Variants in CUL4A observed in about 807,000 individuals in gnomAD.
The protein encoded by CUL4A is cullin-4A.
CUL4A carries 16 observed loss-of-function variants against 95.5 expected under a neutral mutation model. That is an observed-to-expected ratio of 0.17 (90% CI 0.11 to 0.25). CUL4A has a LOEUF of 0.25. Ranked by LOEUF, CUL4A falls within the 10% of genes least tolerant of loss-of-function variation. CUL4A has a pLI of 1.00. For missense variants in CUL4A, 610 were observed against 937.0 expected (o/e 0.65, Z 4.56); for synonymous variants, 380 against 353.1 (o/e 1.08, Z -0.85).
chr13:113,212,264 T>G (rs2040477808), intron 2 of CUL4A, among the ~76,000 whole-genome samples: 2 of 152,220 alleles, frequency 1.3e-5, no homozygotes, highest in Non-Finnish European at 1.5e-5. Flanking sequence ...TGTCTTTTGA[T>G]TCTCTTAACT....
In CUL4A at chr13:113,267,038, A is replaced by G. The variant is rs184823685; in HGVS notation, c.*3456A>G. On this transcript the variant is annotated 3_prime_UTR_variant, in exon 20 of 20. Transcript: ENST00000375440. ...GCAATTTTGAAATGTACAATACTCA[A>G]TTTTTGACTGTATTCACCATGCTGT... is the stretch of plus-strand genomic sequence containing the variant. 1.3e-5 allele frequency: 2 copies of G among 152,284 alleles called. No homozygotes were observed. Among genetic ancestry groups the G allele is most frequent in the East Asian group, 3.9e-4 (2 of 5,182 alleles). The allele number at this position is 152,284 out of a possible 1,614,324, so 9.4% of individuals were successfully genotyped here.
intron 3 of CUL4A, among the ~76,000 whole-genome samples, chr13:113,226,797 G>T (rs1265553647): frequency 1.3e-5 from 2 of 152,166 alleles, no homozygotes; most frequent in Non-Finnish European, 2.9e-5. Context: ...GACTGAGGAG[G>T]ATTACTTAAG....
intron 3 of CUL4A, among the ~76,000 whole-genome samples, chr13:113,221,563 TG>T (rs58433708): frequency 0.011 from 1,697 of 152,158 alleles, 30 homozygotes; most frequent in African/African-American, 0.039. Context: ...TTTTTTGTTT[TG>T]TTTTTTTGTG....
upstream of CUL4A, chr13:113,208,500 G>A: frequency 6.5e-7 from 1 of 1,547,950 alleles, no homozygotes. Flanking sequence ...GGGTGGCGAG[G>A]CGGGAAAGGA....
intron 10 of CUL4A, among the ~76,000 whole-genome samples, chr13:113,239,892 A>G (rs747896024): frequency 3.3e-5 from 5 of 152,258 alleles, no homozygotes; most frequent in Non-Finnish European, 7.3e-5. Flanking sequence ...TCTGCTTGTC[A>G]GACATGATCT....
upstream of CUL4A, among the ~76,000 whole-genome samples, chr13:113,209,178 G>T (rs1291572739): frequency 6.6e-6 from 1 of 150,594 alleles, no homozygotes; most frequent in East Asian, 2.0e-4. Context: ...CGCCCGGGGT[G>T]GGGGTGCCGA....
At chr13:113,214,861 T>C (rs1478778244) in intron 2 of CUL4A, among the ~76,000 whole-genome samples, 2 of 151,996 alleles carry the variant, frequency 1.3e-5, no homozygotes, top group African/African-American at 4.8e-5. Flanking sequence ...TGTGTGGCTG[T>C]GAAGGTCGCT....
intron 2 of CUL4A, among the ~76,000 whole-genome samples, chr13:113,213,968 C>T (rs972602796): frequency 2.6e-5 from 4 of 152,238 alleles, no homozygotes; most frequent in African/African-American, 9.6e-5. Context: ...CTAAGAAAAG[C>T]AAATGTGAAA....
Position 113,245,057 on chromosome 13 carries a change from A to G in CUL4A, c.1442A>G (p.His481Arg), listed in dbSNP as rs758127361. Residue 481 changes from histidine (H) to arginine (R), a missense_variant and splice_region_variant, in exon 13 of 20, where the codon CAT (histidine) becomes CGT (arginine). Physicochemically the swap from His to Arg is conservative, Grantham distance 29 (BLOSUM62 0). This residue lies in a region of CUL4A where 12 missense variants were observed against 70.1 expected (regional missense o/e 0.17). Transcript: ENST00000375440. ...AEKSMLSKLKHECGAAFTSKL... is the reference protein window; with the variant it reads ...AEKSMLSKLKRECGAAFTSKL... ...AAGTCTATGTTGTCAAAGCTCAAGCATGGTAAGTATGTGGGGCCTGGGCTC... is the reference window on the plus strand; with the variant it reads ...AAGTCTATGTTGTCAAAGCTCAAGCGTGGTAAGTATGTGGGGCCTGGGCTC... The G allele has an allele frequency of 6.2e-7, 1 of 1,613,684 alleles. No individual in the cohort carries two copies. The highest frequency in any genetic ancestry group is 8.5e-7 in the Non-Finnish European group (1 of 1,179,560).
At chr13:113,208,379 C>A, upstream of CUL4A, 3 of 1,436,542 alleles carry the variant, frequency 2.1e-6, no homozygotes, top group South Asian at 4.4e-5. Context: ...TCCACGGACA[C>A]CGCCCGGCCC....
chr13:113,248,959 A>G (rs1765201480), intron 15 of CUL4A, among the ~76,000 whole-genome samples: 3 of 152,156 alleles, frequency 2.0e-5, no homozygotes, highest in Non-Finnish European at 4.4e-5. Context: ...TGTGGAACCC[A>G]TGGACACAGA....
At chr13:113,251,318 GAC>G (rs2041989437) in intron 15 of CUL4A, among the ~76,000 whole-genome samples, 1 of 152,246 alleles carries the variant, frequency 6.6e-6, no homozygotes, top group African/African-American at 2.4e-5. Context: ...ATGTATGAAA[GAC>G]AGTGGAATGA....
At chr13:113,249,600 C>T (rs191328782) in intron 15 of CUL4A, among the ~76,000 whole-genome samples, 38 of 152,308 alleles carry the variant, frequency 2.5e-4, no homozygotes, top group Admixed American at 5.9e-4. Flanking sequence ...CCTGCGGTCA[C>T]TTATTTTGGG....
At chr13:113,248,217 G>A (rs949526583) in intron 15 of CUL4A, among the ~76,000 whole-genome samples, 1 of 152,046 alleles carries the variant, frequency 6.6e-6, no homozygotes, top group Non-Finnish European at 1.5e-5. Context: ...GCGATTCCTG[G>A]CTGAATTGAT....
At chr13:113,245,358 T>A in intron 14 of CUL4A, 121 bp downstream of exon 14, 1 of 857,498 alleles carries the variant, frequency 1.2e-6, no homozygotes, top group Non-Finnish European at 1.9e-6. Context: ...GGCCAGAAGT[T>A]CAAAACTACC....
intron 14 of CUL4A, 58 bp from the exon 15 acceptor site, chr13:113,245,898 A>G: frequency 8.1e-7 from 1 of 1,231,502 alleles, no homozygotes; most frequent in Non-Finnish European, 1.2e-6. Flanking sequence ...ATTTTGTTTT[A>G]GGTTAATTAT....
chr13:113,233,095 T>A, intron 5 of CUL4A, 82 bp from the exon 6 acceptor site: 1 of 1,417,224 alleles, frequency 7.1e-7, no homozygotes, highest in Non-Finnish European at 9.6e-7. Flanking sequence ...TGGGATGATA[T>A]TGAATAGCAT....
At chr13:113,235,292 T>C (rs577556825) in intron 8 of CUL4A, 147 bp downstream of exon 8, 1 of 602,224 alleles carries the variant, frequency 1.7e-6, no homozygotes, top group Admixed American at 3.4e-5. Flanking sequence ...TTGTTATTTG[T>C]CATTATTTGG....
Position 113,235,075 on chromosome 13 carries a change from C to T in CUL4A, c.778C>T (p.Leu260Phe), listed in dbSNP as rs1185500000. Residue 260 changes from leucine to phenylalanine, a missense_variant, in exon 8 of 20, where the codon CTT becomes TTT. Leu to Phe is a conservative substitution (Grantham distance 22). Coordinates refer to ENST00000375440, the MANE Select transcript of CUL4A (RefSeq NM_001008895.4). The part of the protein sequence containing the change: ...LMQEREVPEY[L>F]NHVSKRLEEE... Reference sequence around the variant, plus strand: ...TTTTGTTTGTAAGGTTCCAGAATATCTTAACCATGTAAGTAAACGCTTAGA... The same window carrying T: ...TTTTGTTTGTAAGGTTCCAGAATATTTTAACCATGTAAGTAAACGCTTAGA... 1 of 1,610,718 alleles carries T rather than the reference C, an allele frequency of 6.2e-7. No individual in the cohort carries two copies. Among genetic ancestry groups the T allele is most frequent in the African/African-American group, 1.3e-5 (1 of 74,874 alleles).
Sources: gnomAD v4.1 joint callset for allele counts (sites outside exome capture counted in the v4.1 genomes callset) on GRCh38, gnomAD v4.1.1 for gene constraint, gnomAD v4.1.1 regional missense constraint, MANE v1.5 for transcripts, NCBI Gene and HGNC (gene_info 2026-07-23, HGNC 2026-07-21) for gene names.